The following TRAPPC9 variants were observed in gnomAD, a reference collection of about 807,000 sequenced individuals.
TRAPPC9 encodes the protein trafficking protein particle complex subunit 9.
TRAPPC9 carries 83 observed loss-of-function variants against 124.0 expected under a neutral mutation model. The observed-to-expected ratio is 0.67, with a 90% CI of 0.56 to 0.80. TRAPPC9 has a LOEUF of 0.80. Among genes scored for constraint, TRAPPC9 ranks in the 30% least tolerant of loss-of-function variants. The pLI, the probability that TRAPPC9 is intolerant of heterozygous loss-of-function variation, is 0.00. For missense variants in TRAPPC9, 1,302 were observed against 1,508.3 expected (o/e 0.86, Z 2.27); for synonymous variants, 638 against 617.5 (o/e 1.03, Z -0.49).
At chr8:140,123,559 C>T (rs1187709994) in intron 17 of TRAPPC9, among the ~76,000 whole-genome samples, 1 of 152,204 alleles carries the variant, frequency 6.6e-6, no homozygotes, top group Non-Finnish European at 1.5e-5. Flanking sequence ...TCTCCAGCCA[C>T]GAGCCCCACC....
In TRAPPC9 at chr8:140,287,591, G is replaced by A. The variant is rs1384702203; in HGVS notation, c.1981+17C>T. ...GCAGACCCTCCTGAGCAGGAAGCATGAAGGGACTCTCCTTACCGTTCACAG... is the reference window on the plus strand; with the variant it reads ...GCAGACCCTCCTGAGCAGGAAGCATAAAGGGACTCTCCTTACCGTTCACAG... On this transcript the variant is annotated intron_variant, in intron 13 of 22. Transcript: ENST00000438773. 1.9e-6 allele frequency: 3 copies of A among 1,613,918 alleles called. No individual in the cohort carries two copies. In the South Asian group the frequency reaches 3.3e-5, roughly 18 times the overall value.
At chr8:140,062,704 G>A (rs555710816) in intron 17 of TRAPPC9, among the ~76,000 whole-genome samples, 132 of 152,218 alleles carry the variant, frequency 8.7e-4, no homozygotes, top group African/African-American at 3.0e-3. Context: ...CTCCTATGGG[G>A]AGCACAAACC....
intron 19 of TRAPPC9, among the ~76,000 whole-genome samples, chr8:139,945,688 G>A (rs116695983): frequency 0.019 from 2,867 of 152,168 alleles, 107 homozygotes; most frequent in African/African-American, 0.066. Flanking sequence ...CTCTTCCAGT[G>A]CATAAGGTGT....
intron 19 of TRAPPC9, among the ~76,000 whole-genome samples, chr8:139,943,850 A>G (rs6995955): frequency 0.41 from 61,901 of 152,020 alleles, 12,911 homozygotes; most frequent in East Asian, 0.61. Flanking sequence ...AAGTCATCCA[A>G]TCTTAAGAAG....
At chr8:139,736,594 T>C (rs1412517810) in intron 21 of TRAPPC9, among the ~76,000 whole-genome samples, 1 of 152,170 alleles carries the variant, frequency 6.6e-6, no homozygotes, top group African/African-American at 2.4e-5. Flanking sequence ...TTAAGCTTCC[T>C]GAATTCAAAA....
chr8:139,823,725 C>T (rs1446017604), intron 21 of TRAPPC9, among the ~76,000 whole-genome samples: 1 of 152,238 alleles, frequency 6.6e-6, no homozygotes, highest in Non-Finnish European at 1.5e-5. Flanking sequence ...CCAGTCTTTC[C>T]AGGTATGGGG....
chr8:139,783,727 T>C (rs57256859), intron 21 of TRAPPC9, among the ~76,000 whole-genome samples: 3 of 152,270 alleles, frequency 2.0e-5, no homozygotes, highest in South Asian at 2.1e-4. Context: ...CTTATAAACA[T>C]AGATTAAAAC....
chr8:139,981,495 A>G (rs901891382), intron 19 of TRAPPC9, among the ~76,000 whole-genome samples: 2 of 152,240 alleles, frequency 1.3e-5, no homozygotes, highest in Non-Finnish European at 2.9e-5. Context: ...ATGCCAACAC[A>G]GTATAAATAA....
intron 17 of TRAPPC9, among the ~76,000 whole-genome samples, chr8:140,137,327 C>T (rs1272484063): frequency 6.6e-6 from 1 of 151,754 alleles, no homozygotes; most frequent in Non-Finnish European, 1.5e-5. Context: ...CTTGGCCCCA[C>T]ACCTGGCACT....
chr8:140,258,155 C>T (rs1277426315), intron 15 of TRAPPC9, among the ~76,000 whole-genome samples: 2 of 152,158 alleles, frequency 1.3e-5, no homozygotes, highest in Admixed American at 6.5e-5. Flanking sequence ...CGACAGCACA[C>T]GACAGACAAG....
At chr8:140,420,967 T>G (rs1195694365) in intron 5 of TRAPPC9, among the ~76,000 whole-genome samples, 2 of 152,172 alleles carry the variant, frequency 1.3e-5, no homozygotes, top group Non-Finnish European at 2.9e-5. Context: ...CCAGGTAATG[T>G]GGATCACGCC....
intron 17 of TRAPPC9, among the ~76,000 whole-genome samples, chr8:140,073,345 G>A (rs1200893041): frequency 6.6e-6 from 1 of 152,224 alleles, no homozygotes; most frequent in Non-Finnish European, 1.5e-5. Flanking sequence ...ATTACAGTGT[G>A]TCCATGCAAT....
At chr8:140,211,283 G>C (rs983808406) in intron 17 of TRAPPC9, among the ~76,000 whole-genome samples, 5 of 152,182 alleles carry the variant, frequency 3.3e-5, no homozygotes, top group Admixed American at 3.3e-4. Context: ...GGAAGGCCAG[G>C]CATGGTGGCA....
rs559207164 is a variant in TRAPPC9 at position 140,254,567 on chromosome 8, C to G, written c.2279-1638G>C. Among the ~76,000 whole-genome samples the G allele has an allele frequency of 2.6e-5, 4 of 152,304 alleles. No homozygotes were observed. In the East Asian group the frequency reaches 7.7e-4, roughly 29 times the overall value. On this transcript the variant is annotated intron_variant, in intron 15 of 22. Coordinates refer to ENST00000438773, the MANE Select transcript of TRAPPC9 (RefSeq NM_001160372.4). ...GAACAAGAAACCCTCCTGACCAACA[C>G]AGGGGACAGGAAGCCATGAGCACGG...
At chr8:139,744,031 G>A (rs556032104) in intron 21 of TRAPPC9, among the ~76,000 whole-genome samples, 2 of 152,202 alleles carry the variant, frequency 1.3e-5, no homozygotes, top group African/African-American at 2.4e-5. Flanking sequence ...AGGTACACGC[G>A]AACGTGCACT....
chr8:140,044,287 A>AT (rs1326113824), intron 17 of TRAPPC9, among the ~76,000 whole-genome samples: 6 of 150,110 alleles, frequency 4.0e-5, no homozygotes, highest in Non-Finnish European at 7.4e-5. Flanking sequence ...AAAAAAAAAA[A>AT]AGAAAAATCA....
chr8:140,316,813 C>T (rs1448399671), intron 9 of TRAPPC9, among the ~76,000 whole-genome samples: 1 of 152,152 alleles, frequency 6.6e-6, no homozygotes, highest in Admixed American at 6.6e-5. Context: ...GGTACTAGTT[C>T]TTTGTTAAAT....
intron 21 of TRAPPC9, among the ~76,000 whole-genome samples, chr8:139,874,149 C>T (rs775907458): frequency 7.9e-5 from 12 of 152,230 alleles, no homozygotes; most frequent in African/African-American, 1.2e-4. Flanking sequence ...GCCAGGAATA[C>T]GTGCCTTAGA....
At chr8:139,882,008 A>G (rs1182126440) in intron 21 of TRAPPC9, among the ~76,000 whole-genome samples, 1 of 152,084 alleles carries the variant, frequency 6.6e-6, no homozygotes, top group African/African-American at 2.4e-5. Flanking sequence ...GGGGTGGGCA[A>G]GGGGGTGGTG....
Sources: gnomAD v4.1 joint callset for allele counts (sites outside exome capture counted in the v4.1 genomes callset) on GRCh38, gnomAD v4.1.1 for gene constraint, MANE v1.5 for transcripts, NCBI Gene and HGNC (gene_info 2026-07-23, HGNC 2026-07-21) for gene names.